The following RNF8 variants were observed in gnomAD, a reference collection of about 807,000 sequenced individuals.
RNF8 encodes E3 ubiquitin-protein ligase RNF8.
Under a neutral mutation model 59.3 loss-of-function variants are expected in RNF8, and 8 were observed. The ratio of observed to expected loss-of-function variants is 0.13; its 90% CI spans 0.08 to 0.24. RNF8 has a LOEUF of 0.24. Among genes scored for constraint, RNF8 ranks in the 10% least tolerant of loss-of-function variants. The probability of loss-of-function intolerance (pLI) is 1.00; values close to 1 mark genes in which losing one functional copy is unlikely to be tolerated. For synonymous variants in RNF8, 162 were observed against 200.0 expected (o/e 0.81, Z 1.60); for missense variants, 406 against 572.6 (o/e 0.71, Z 2.97).
chr6:37,368,478 C>T lies in RNF8; in HGVS notation c.241-6C>T. On this transcript the variant is annotated splice_region_variant and splice_polypyrimidine_tract_variant and intron_variant, in intron 2 of 7. Transcript: ENST00000373479. ...GCTTATTTCTTCTTTCTTTCACTTT[C>T]CCCAGAGTCTAAATGGTGTTTGGCT... The T allele has an allele frequency of 6.2e-7, 1 of 1,614,106 alleles. No individual in the cohort carries two copies. The highest frequency in any genetic ancestry group is 8.5e-7 in the Non-Finnish European group (1 of 1,179,998).
chr6:37,366,862 T>C (rs1049161384), intron 2 of RNF8, among the ~76,000 whole-genome samples: 1 of 152,254 alleles, frequency 6.6e-6, no homozygotes, highest in African/African-American at 2.4e-5. Flanking sequence ...ACTCTGAATC[T>C]TGCCTTTGTT....
chr6:37,365,756 C>T (rs1329853072), intron 2 of RNF8, among the ~76,000 whole-genome samples: 1 of 152,076 alleles, frequency 6.6e-6, no homozygotes, highest in Non-Finnish European at 1.5e-5. Flanking sequence ...TAGCATTGTT[C>T]AAATGGGTAG....
chr6:37,378,350 G>A (rs1770108334), intron 6 of RNF8, among the ~76,000 whole-genome samples: 1 of 151,712 alleles, frequency 6.6e-6, no homozygotes, highest in South Asian at 2.1e-4. Context: ...CCTATAATCC[G>A]AGCACTTTGG....
At chr6:37,367,224 T>G (rs1187269990) in intron 2 of RNF8, among the ~76,000 whole-genome samples, 1 of 152,144 alleles carries the variant, frequency 6.6e-6, no homozygotes, top group Non-Finnish European at 1.5e-5. Flanking sequence ...GGGAGAGACT[T>G]ATTTTCCTCC....
In RNF8 at chr6:37,360,622, AC is replaced by A. The variant is rs1769280962; in HGVS notation, c.240+49del. ...AATGACTTTTATTTGTTTTTAAATT[AC>A]TTTTTTTTTTTTTTGCATAGGTAAT... On this transcript the variant is annotated intron_variant, in intron 2 of 7. Transcript: ENST00000373479. This position sits in a 1 kb window ranked among gnomAD's most constrained non-coding sequence, Gnocchi z 4.2. The A allele has an allele frequency of 6.2e-6, 9 of 1,462,678 alleles. No homozygotes were observed. Among genetic ancestry groups the A allele is most frequent in the Non-Finnish European group, 8.1e-6 (9 of 1,108,410 alleles). The allele number at this position is 1,462,678 out of a possible 1,614,324, so 90.6% of individuals were successfully genotyped here. A position where few individuals can be genotyped will look rare whatever the true frequency, so the allele number is the denominator to read the frequency against.
At position 37,390,956 on chromosome 6, in the gene RNF8, C is replaced by T; in HGVS notation, c.*198C>T. 1 of 779,304 alleles carries T rather than the reference C, an allele frequency of 1.3e-6. No homozygotes were observed. The highest frequency in any genetic ancestry group is 2.2e-5 in the Admixed American group (1 of 46,356). The allele number at this position is 779,304 out of a possible 1,614,324, so 48.3% of individuals were successfully genotyped here. On this transcript the variant is annotated 3_prime_UTR_variant, in exon 8 of 8. Transcript: ENST00000373479. ...CTGCTGCCATCATTGGCTGAAGCAC[C>T]ACCAGGATTCACGGCACCCAACTGC...
Position 37,391,973 on chromosome 6 carries a change from A to C in RNF8, c.*1215A>C, listed in dbSNP as rs1770738103. ...GCCTATACCCCATGTATTTTCATAA[A>C]GGGTTGGAAACTATTGATTGCCAAC... On this transcript the variant is annotated 3_prime_UTR_variant, in exon 8 of 8. Coordinates refer to ENST00000373479, the MANE Select transcript of RNF8 (RefSeq NM_003958.4). 1 of 152,424 alleles carries C rather than the reference A, an allele frequency of 6.6e-6. No individual in the cohort carries two copies. Among genetic ancestry groups the C allele is most frequent in the Non-Finnish European group, 1.5e-5 (1 of 68,188 alleles). 9.4% of individuals were successfully genotyped at this position (152,424 alleles called of 1,614,324 possible).
chr6:37,383,726 G>A (rs144120210), intron 7 of RNF8, among the ~76,000 whole-genome samples: 2 of 152,322 alleles, frequency 1.3e-5, no homozygotes, highest in East Asian at 3.9e-4. Flanking sequence ...TTAGGATGCT[G>A]GGTCCTGAGT....
At chr6:37,354,302 G>T (rs1769026214) in intron 1 of RNF8, 27 bp downstream of exon 1, 1 of 1,517,066 alleles carries the variant, frequency 6.6e-7, no homozygotes. Context: ...CCTGTGGAGC[G>T]GAGGGCAGGG....
At chr6:37,386,134 G>A (rs947326406) in intron 7 of RNF8, among the ~76,000 whole-genome samples, 3 of 147,064 alleles carry the variant, frequency 2.0e-5, no homozygotes, top group African/African-American at 7.3e-5. Context: ...CTGCACCTGG[G>A]CTAATTTTTT....
At chr6:37,368,291 T>C (rs1769648120) in intron 2 of RNF8, 193 bp from the exon 3 acceptor site, 1 of 1,341,744 alleles carries the variant, frequency 7.5e-7, no homozygotes, top group Non-Finnish European at 1.0e-6. Context: ...GAATGTGAAA[T>C]ATAGGTAAAA....
At chr6:37,370,751 G>A (rs967499265) in intron 3 of RNF8, among the ~76,000 whole-genome samples, 1 of 149,800 alleles carries the variant, frequency 6.7e-6, no homozygotes, top group Non-Finnish European at 1.5e-5. Context: ...GGGAATTCTA[G>A]TGGTTATAAA....
At chr6:37,389,317 T>C (rs892226134) in intron 7 of RNF8, among the ~76,000 whole-genome samples, 1 of 151,016 alleles carries the variant, frequency 6.6e-6, no homozygotes, top group African/African-American at 2.4e-5. Flanking sequence ...CTAGTATAAG[T>C]TGTGGGGGAT....
chr6:37,361,050 T>G (rs1299819363), intron 2 of RNF8: 3 of 354,092 alleles, frequency 8.5e-6, no homozygotes, highest in Non-Finnish European at 1.7e-5. Context: ...TTTTAAATAT[T>G]GGTGTTCCGA....
At chr6:37,354,358 G>C in intron 1 of RNF8, 83 bp downstream of exon 1, 1 of 1,111,454 alleles carries the variant, frequency 9.0e-7, no homozygotes, top group Admixed American at 2.6e-5. Flanking sequence ...TGTCTTGCTG[G>C]GCTGAATGAA....
At chr6:37,385,177 C>G (rs530759670) in intron 7 of RNF8, among the ~76,000 whole-genome samples, 78 of 151,872 alleles carry the variant, frequency 5.1e-4, no homozygotes, top group African/African-American at 1.8e-3. Flanking sequence ...TCATGCCCGG[C>G]TAATTTTGTA....
At chr6:37,383,163 T>A (rs765896228) in intron 7 of RNF8, among the ~76,000 whole-genome samples, 9 of 152,214 alleles carry the variant, frequency 5.9e-5, no homozygotes, top group Non-Finnish European at 1.0e-4. Flanking sequence ...AGCTTCCCTG[T>A]TACATGCATT....
At chr6:37,381,047 A>G in intron 6 of RNF8, 103 bp from the exon 7 acceptor site, 2 of 946,280 alleles carry the variant, frequency 2.1e-6, no homozygotes, top group Non-Finnish European at 1.7e-6. Flanking sequence ...TTAATTTTCC[A>G]TTTGGCCTTT....
At chr6:37,377,970 A>C (rs976011767) in intron 6 of RNF8, among the ~76,000 whole-genome samples, 2 of 152,192 alleles carry the variant, frequency 1.3e-5, no homozygotes, top group African/African-American at 2.4e-5. Context: ...GTTAAATTCA[A>C]GTTGCTAAAT....
Sources: allele counts gnomAD v4.1 joint callset (sites outside exome capture counted in the v4.1 genomes callset), GRCh38; gene constraint gnomAD v4.1.1; non-coding constraint Gnocchi (gnomAD v3.1); transcripts MANE v1.5; gene names NCBI Gene and HGNC (gene_info 2026-07-23, HGNC 2026-07-21).